Variants in MRTFB observed in about 807,000 individuals in gnomAD.
MRTFB encodes myocardin-related transcription factor B.
MRTFB carries 29 observed loss-of-function variants against 104.2 expected under a neutral mutation model. That is an observed-to-expected ratio of 0.28 (90% CI 0.21 to 0.38). MRTFB has a LOEUF of 0.38. Among genes scored for constraint, MRTFB ranks in the 10% least tolerant of loss-of-function variants. The pLI, the probability that MRTFB is intolerant of heterozygous loss-of-function variation, is 1.00. For synonymous variants in MRTFB, 535 were observed against 519.5 expected (o/e 1.03, Z -0.41); for missense variants, 1,270 against 1,341.6 (o/e 0.95, Z 0.83).
chr16:14,179,828 C>T (rs1274278496), intron 3 of MRTFB, among the ~76,000 whole-genome samples: 1 of 152,218 alleles, frequency 6.6e-6, no homozygotes, highest in Non-Finnish European at 1.5e-5. Flanking sequence ...TACCATCCTA[C>T]AGGCTTTTCC....
intron 15 of MRTFB, 127 bp from the exon 16 acceptor site, chr16:14,257,974 C>T (rs555276733): frequency 3.9e-6 from 3 of 772,190 alleles, no homozygotes; most frequent in African/African-American, 1.7e-5. Context: ...CAGGTGACCT[C>T]AGTGTTTTCA....
At chr16:13,998,871 C>CAAAAAAAAAAA in the MRTFB span, among the ~76,000 whole-genome samples, 8 of 29,688 alleles carry the variant, frequency 2.7e-4, 3 homozygotes, top group Non-Finnish European at 5.6e-4. Context: ...GACTCTGTTT[C>CAAAAAAAAAAA]AAAAAAAAAA....
At chr16:14,050,700 G>T in the MRTFB span, among the ~76,000 whole-genome samples, 4 of 152,188 alleles carry the variant, frequency 2.6e-5, no homozygotes, top group Non-Finnish European at 4.4e-5. Flanking sequence ...TGCTAGCTCA[G>T]CAGTCAGGTC....
At chr16:14,060,287 G>T in the MRTFB span, among the ~76,000 whole-genome samples, 2 of 152,070 alleles carry the variant, frequency 1.3e-5, no homozygotes, top group Non-Finnish European at 2.9e-5. Context: ...AATCACAGGT[G>T]TGAGCCACTA....
At chr16:14,115,267 A>G (rs991183963) in intron 2 of MRTFB, among the ~76,000 whole-genome samples, 24 of 152,244 alleles carry the variant, frequency 1.6e-4, no homozygotes, top group Non-Finnish European at 2.9e-4. Flanking sequence ...TATCAACTAA[A>G]TAAGTAGATT....
chr16:14,201,285 T>A (rs1419489292), intron 3 of MRTFB, among the ~76,000 whole-genome samples: 2 of 152,162 alleles, frequency 1.3e-5, no homozygotes, highest in Non-Finnish European at 2.9e-5. Flanking sequence ...AAAGTGTTCA[T>A]TTACATAGGC....
At chr16:14,248,338 C>T (rs1270175044) in intron 12 of MRTFB, 2 of 152,276 alleles carry the variant, frequency 1.3e-5, no homozygotes, top group African/African-American at 4.8e-5. Context: ...GGAGGCAGGG[C>T]CCACAGACCC....
chr16:14,109,587 G>C (rs1255533079), intron 2 of MRTFB, among the ~76,000 whole-genome samples: 1 of 152,164 alleles, frequency 6.6e-6, no homozygotes, highest in Non-Finnish European at 1.5e-5. Flanking sequence ...GCTTGCCAAA[G>C]TCCGTGGTAC....
At chr16:14,125,279 G>A (rs1218733406) in intron 2 of MRTFB, among the ~76,000 whole-genome samples, 7 of 152,250 alleles carry the variant, frequency 4.6e-5, no homozygotes, top group Non-Finnish European at 1.0e-4. Flanking sequence ...CGGCAAGGGT[G>A]TGTGCAAAGG....
intron 2 of MRTFB, among the ~76,000 whole-genome samples, chr16:14,113,442 C>T (rs775499176): frequency 1.4e-3 from 206 of 152,264 alleles, no homozygotes; most frequent in Non-Finnish European, 1.9e-3. Flanking sequence ...AATGAATGAA[C>T]GAATGGATCA....
At chr16:14,092,034 A>G (rs1210541670) in intron 2 of MRTFB, among the ~76,000 whole-genome samples, 1 of 150,114 alleles carries the variant, frequency 6.7e-6, no homozygotes, top group Non-Finnish European at 1.5e-5. Flanking sequence ...ATGCCTCCCA[A>G]GTTAGTGGCT....
In MRTFB at chr16:14,096,198, C is replaced by T. The variant is rs149120360; in HGVS notation, c.-64+16844C>T. The stretch of plus-strand genomic sequence containing the variant: ...TTCAAGTAATTCTGCCTCAGCCTTC[C>T]GGGTAGCTGGGATTACAGGCATGTC... On this transcript the variant is annotated intron_variant, in intron 2 of 16. Coordinates refer to ENST00000571589, the MANE Select transcript of MRTFB (RefSeq NM_001308142.2). 4.3e-3 allele frequency among the ~76,000 whole-genome samples: 661 copies of T among 152,060 alleles called. 5 individuals carry two copies. The highest frequency in any genetic ancestry group is 0.014 in the African/African-American group (587 of 41,468).
intron 2 of MRTFB, among the ~76,000 whole-genome samples, chr16:14,106,906 A>G (rs2036008438): frequency 6.6e-6 from 1 of 152,348 alleles, no homozygotes; most frequent in Non-Finnish European, 1.5e-5. Context: ...TGTATGTTCA[A>G]GTGTGCTAAA....
At chr16:14,146,369 A>G (rs533942659) in intron 3 of MRTFB, among the ~76,000 whole-genome samples, 2 of 152,348 alleles carry the variant, frequency 1.3e-5, no homozygotes, top group South Asian at 4.1e-4. Flanking sequence ...TCGGTATTAC[A>G]ACGTTACTGC....
At chr16:14,058,455 T>A in the MRTFB span, among the ~76,000 whole-genome samples, 1 of 151,656 alleles carries the variant, frequency 6.6e-6, no homozygotes, top group African/African-American at 2.4e-5. Flanking sequence ...TGTACCCAAG[T>A]TTGTTGTACA....
chr16:14,159,981 G>A (rs540177393), intron 3 of MRTFB, among the ~76,000 whole-genome samples: 12 of 148,946 alleles, frequency 8.1e-5, no homozygotes, highest in South Asian at 6.4e-4. Context: ...TTACAGGTAT[G>A]CCCAAATATG....
At chr16:14,212,718 G>A (rs1283283173) in intron 5 of MRTFB, among the ~76,000 whole-genome samples, 2 of 152,146 alleles carry the variant, frequency 1.3e-5, no homozygotes, top group African/African-American at 4.8e-5. Context: ...ATAAGAGGGG[G>A]TAATTCTGTC....
intron 2 of MRTFB, among the ~76,000 whole-genome samples, chr16:14,089,154 G>T (rs1026558481): frequency 5.3e-5 from 8 of 152,180 alleles, no homozygotes; most frequent in African/African-American, 1.9e-4. Context: ...CAGCTTTATT[G>T]AGATATAATT....
the MRTFB span, among the ~76,000 whole-genome samples, chr16:14,013,712 C>G: frequency 6.6e-6 from 1 of 152,050 alleles, no homozygotes; most frequent in Non-Finnish European, 1.5e-5. Flanking sequence ...AATACAACAT[C>G]TGCTTTGCTT....
Sources: gnomAD v4.1 joint callset for allele counts (sites outside exome capture counted in the v4.1 genomes callset) on GRCh38, gnomAD v4.1.1 for gene constraint, MANE v1.5 for transcripts, NCBI Gene and HGNC (gene_info 2026-07-23, HGNC 2026-07-21) for gene names.